HS3ST4: variants seen among roughly 807,000 people sequenced by gnomAD.
HS3ST4 encodes heparan sulfate-glucosamine 3-sulfotransferase 4.
In HS3ST4, 17 loss-of-function variants were observed where a neutral mutation model predicts 29.2. The observed-to-expected ratio is 0.58, with a 90% confidence interval of 0.40 to 0.87. The LOEUF is 0.87. HS3ST4 is among the 40% of genes least tolerant of loss of function. The pLI is 0.00. For missense variants in HS3ST4, 627 were observed against 634.5 expected (o/e 0.99, Z 0.13); for synonymous variants, 314 against 285.7 (o/e 1.10, Z -1.00).
At chr16:25,694,035 G>A (rs1966275694) in intron 1 of HS3ST4, among the ~76,000 whole-genome samples, 1 of 152,204 alleles carries the variant, frequency 6.6e-6, no homozygotes, top group South Asian at 2.1e-4. Flanking sequence ...TGCCCCAAAC[G>A]CAAACCTCCT....
At chr16:25,978,646 C>T (rs1968969410) in intron 1 of HS3ST4, among the ~76,000 whole-genome samples, 1 of 152,220 alleles carries the variant, frequency 6.6e-6, no homozygotes, top group African/African-American at 2.4e-5. Context: ...ATTTTCTCAT[C>T]TGAAAATCAG....
chr16:26,052,712 A>C (rs1567302370), intron 1 of HS3ST4, among the ~76,000 whole-genome samples: 3 of 152,224 alleles, frequency 2.0e-5, no homozygotes, highest in Admixed American at 1.3e-4. Context: ...CTTTTCTCCT[A>C]GGAATCTGCC....
intron 1 of HS3ST4, among the ~76,000 whole-genome samples, chr16:26,100,711 C>T (rs754566129): frequency 6.6e-6 from 1 of 152,272 alleles, no homozygotes; most frequent in Middle Eastern, 3.4e-3. Context: ...CTCCCCCAAC[C>T]AAACCCGAGT....
chr16:25,915,245 G>C (rs1968280906), intron 1 of HS3ST4, among the ~76,000 whole-genome samples: 1 of 152,096 alleles, frequency 6.6e-6, no homozygotes, highest in South Asian at 2.1e-4. Context: ...CAAGACTCCG[G>C]GCGTGGGTTC....
chr16:25,840,966 ATTTG>A (rs145806769), intron 1 of HS3ST4, among the ~76,000 whole-genome samples: 31,426 of 142,824 alleles, frequency 0.22, 3,769 homozygotes, highest in African/African-American at 0.31. Context: ...TTTAATTTAT[ATTTG>A]TTTGTTTATT....
At chr16:25,909,916 A>C (rs1472589744) in intron 1 of HS3ST4, among the ~76,000 whole-genome samples, 1 of 152,130 alleles carries the variant, frequency 6.6e-6, no homozygotes, top group East Asian at 1.9e-4. Context: ...CCCAGGCTGG[A>C]GTGCAATGGC....
chr16:25,749,274 G>T (rs1966703671), intron 1 of HS3ST4, among the ~76,000 whole-genome samples: 1 of 152,082 alleles, frequency 6.6e-6, no homozygotes, highest in Non-Finnish European at 1.5e-5. Flanking sequence ...TGGGCAAATT[G>T]CTTGAGCCCA....
chr16:26,111,240 G>A (rs1444809413), intron 1 of HS3ST4, among the ~76,000 whole-genome samples: 3 of 148,940 alleles, frequency 2.0e-5, no homozygotes, highest in Non-Finnish European at 1.5e-5. Context: ...CAGCACATCT[G>A]GCTAATTAAA....
In HS3ST4 at chr16:26,049,494, GTA is replaced by G. The variant is rs942023517; in HGVS notation, c.735-86116_735-86115del. On this transcript the variant is annotated intron_variant, in intron 1 of 1. Coordinates refer to ENST00000331351, the MANE Select transcript of HS3ST4 (RefSeq NM_006040.3). Reference sequence around the variant, plus strand: ...TCTGTGTGTGTGTGTGTGTGTGTGTGTATGTGTGTGTCCTTGAGCGGAAAAAC... The same window carrying G: ...TCTGTGTGTGTGTGTGTGTGTGTGTGTGTGTGTGTCCTTGAGCGGAAAAAC... 3.9e-4 allele frequency among the ~76,000 whole-genome samples: 59 copies of G among 151,738 alleles called. 1 individual carries two copies. In the South Asian group the frequency reaches 9.8e-3, roughly 25 times the overall value.
At chr16:25,936,013 C>G (rs1596619392) in intron 1 of HS3ST4, among the ~76,000 whole-genome samples, 1 of 152,100 alleles carries the variant, frequency 6.6e-6, no homozygotes, top group East Asian at 1.9e-4. Context: ...TTTAAGCCAT[C>G]CTCTTATCTT....
chr16:26,093,417 T>C (rs1162171371), intron 1 of HS3ST4, among the ~76,000 whole-genome samples: 1 of 152,196 alleles, frequency 6.6e-6, no homozygotes, highest in African/African-American at 2.4e-5. Flanking sequence ...CAATATTTGC[T>C]GTTCTGCAAT....
At chr16:25,974,898 G>A (rs1476683946) in intron 1 of HS3ST4, among the ~76,000 whole-genome samples, 1 of 152,090 alleles carries the variant, frequency 6.6e-6, no homozygotes, top group African/African-American at 2.4e-5. Flanking sequence ...TGGACTTAGT[G>A]TATGCAAGCC....
At chr16:25,951,017 G>A (rs988604278) in intron 1 of HS3ST4, among the ~76,000 whole-genome samples, 8 of 152,084 alleles carry the variant, frequency 5.3e-5, no homozygotes, top group African/African-American at 1.9e-4. Context: ...AGCTGTTTTT[G>A]TAGGAAGCAG....
At chr16:25,817,631 T>G (rs897999105) in intron 1 of HS3ST4, among the ~76,000 whole-genome samples, 6 of 152,178 alleles carry the variant, frequency 3.9e-5, no homozygotes, top group African/African-American at 1.4e-4. Flanking sequence ...AAAGCCTGAG[T>G]GATGTTTCTG....
intron 1 of HS3ST4, among the ~76,000 whole-genome samples, chr16:25,869,615 C>T (rs1039207634): frequency 2.0e-5 from 3 of 152,120 alleles, no homozygotes; most frequent in Non-Finnish European, 4.4e-5. Context: ...GCAAAACCCA[C>T]CATTCAGCCA....
chr16:26,053,192 T>C (rs1449652704), intron 1 of HS3ST4, among the ~76,000 whole-genome samples: 1 of 152,188 alleles, frequency 6.6e-6, no homozygotes, highest in Non-Finnish European at 1.5e-5. Context: ...GACGCTCCCC[T>C]CAACAATCAA....
At chr16:25,837,673 T>C (rs1055117821) in intron 1 of HS3ST4, among the ~76,000 whole-genome samples, 10 of 152,104 alleles carry the variant, frequency 6.6e-5, no homozygotes, top group African/African-American at 2.4e-4. Flanking sequence ...TGAAGAAATA[T>C]GTGTAAATCA....
At chr16:25,854,345 A>T (rs1967552273) in intron 1 of HS3ST4, among the ~76,000 whole-genome samples, 1 of 152,214 alleles carries the variant, frequency 6.6e-6, no homozygotes, top group Admixed American at 6.5e-5. Flanking sequence ...GTAAACTGTC[A>T]TCGTGCCAGT....
chr16:25,728,832 C>G (rs146115096), intron 1 of HS3ST4, among the ~76,000 whole-genome samples: 51 of 152,198 alleles, frequency 3.4e-4, no homozygotes, highest in African/African-American at 1.1e-3. Context: ...GCTATAATCC[C>G]GACACTTTGG....
Sources: allele counts gnomAD v4.1 joint callset (sites outside exome capture counted in the v4.1 genomes callset), GRCh38; gene constraint gnomAD v4.1.1; transcripts MANE v1.5; gene names NCBI Gene and HGNC (gene_info 2026-07-23, HGNC 2026-07-21).